Variants in GRIK3 observed in about 807,000 individuals in gnomAD.
The protein encoded by GRIK3 is glutamate ionotropic receptor kainate type subunit 3, also known as glutamate receptor ionotropic, kainate 3.
A neutral mutation model predicts 102.5 loss-of-function variants in GRIK3; 29 were observed. The ratio of observed to expected loss-of-function variants is 0.28; its 90% confidence interval spans 0.21 to 0.39. The LOEUF (loss-of-function observed/expected upper bound fraction) is 0.39. Ranked by LOEUF, GRIK3 falls within the 10% of genes least tolerant of loss-of-function variation. GRIK3 has a pLI of 1.00. For synonymous variants in GRIK3, 511 were observed against 504.9 expected (o/e 1.01, Z -0.16); for missense variants, 908 against 1,252.4 (o/e 0.73, Z 4.15).
intron 1 of GRIK3, among the ~76,000 whole-genome samples, chr1:36,923,554 C>A (rs1641496395): frequency 6.6e-6 from 1 of 152,204 alleles, no homozygotes; most frequent in South Asian, 2.1e-4. Flanking sequence ...GAATGAGGAT[C>A]ATGGAATGCT....
At chr1:36,857,711 A>G (rs950627577) in intron 7 of GRIK3, among the ~76,000 whole-genome samples, 1 of 152,224 alleles carries the variant, frequency 6.6e-6, no homozygotes, top group Admixed American at 6.5e-5. Flanking sequence ...GAGGAGCTGT[A>G]CTTGGCCTCA....
chr1:36,997,269 A>G (rs1642430502), intron 1 of GRIK3, among the ~76,000 whole-genome samples: 1 of 152,188 alleles, frequency 6.6e-6, no homozygotes, highest in Non-Finnish European at 1.5e-5. Context: ...GCTGGCAAGG[A>G]GCAAGGTTTA....
intron 13 of GRIK3, among the ~76,000 whole-genome samples, chr1:36,808,931 T>C (rs1402866643): frequency 6.6e-6 from 1 of 152,172 alleles, no homozygotes; most frequent in African/African-American, 2.4e-5. Flanking sequence ...ATCTCTGCTT[T>C]GCCAGATACA....
intron 1 of GRIK3, among the ~76,000 whole-genome samples, chr1:36,984,527 C>T (rs1372382001): frequency 6.6e-6 from 1 of 152,248 alleles, no homozygotes; most frequent in Non-Finnish European, 1.5e-5. Flanking sequence ...AACTCCAGAA[C>T]TTATGAGCTC....
intron 3 of GRIK3, among the ~76,000 whole-genome samples, chr1:36,874,137 C>T (rs972672476): frequency 1.2e-4 from 19 of 152,312 alleles, no homozygotes; most frequent in African/African-American, 4.6e-4. Context: ...TGGAAAGAGT[C>T]CCCCTGACCT....
rs114081680 is a variant in GRIK3, at chr1:36,802,089, T to C, written c.2566-44A>G. 2.2e-3 allele frequency: 3,035 copies of C among 1,404,422 alleles called. 60 individuals are homozygous for C. In the African/African-American group the frequency reaches 0.037, roughly 17 times the overall value. The allele number at this position is 1,404,422 out of a possible 1,614,324, so 87.0% of individuals were successfully genotyped here. Reference sequence around the variant, plus strand: ...GAGGGGTCGGAAAAGGGGCACAGAGTGATGCCCGGTCTTGCAACTCCAGCC... The same window carrying C: ...GAGGGGTCGGAAAAGGGGCACAGAGCGATGCCCGGTCTTGCAACTCCAGCC... On this transcript the variant is annotated intron_variant, in intron 15 of 15. Transcript: ENST00000373091.
At chr1:36,869,902 A>G in intron 4 of GRIK3, 101 bp from the exon 5 acceptor site, 1 of 817,120 alleles carries the variant, frequency 1.2e-6, no homozygotes, top group Non-Finnish European at 2.1e-6. Context: ...TGGGTTGGGG[A>G]AGGCTGGCTG....
chr1:36,971,884 G>A lies in GRIK3; in HGVS notation c.115+62110C>T, dbSNP rs1158540269. Among the ~76,000 whole-genome samples, 17 of 152,264 alleles carry A rather than the reference G, an allele frequency of 1.1e-4. No homozygotes were observed. In the East Asian group the frequency reaches 3.3e-3, roughly 29 times the overall value. On this transcript the variant is annotated intron_variant, in intron 1 of 15. Coordinates refer to ENST00000373091, the MANE Select transcript of GRIK3 (RefSeq NM_000831.4). Reference sequence around the variant, plus strand: ...AAACGGGCCCACCAATAGTCACAGAGGCCTGGAGACACCCTTTTGGAGGGA... The same window carrying A: ...AAACGGGCCCACCAATAGTCACAGAAGCCTGGAGACACCCTTTTGGAGGGA...
At chr1:36,844,212 G>A (rs976097037) in intron 9 of GRIK3, among the ~76,000 whole-genome samples, 7 of 152,210 alleles carry the variant, frequency 4.6e-5, no homozygotes, top group Admixed American at 2.6e-4. Flanking sequence ...AATCCCCAAG[G>A]GATTCCCGAC....
intron 1 of GRIK3, among the ~76,000 whole-genome samples, chr1:37,029,368 G>A (rs1030083894): frequency 6.6e-6 from 1 of 152,214 alleles, no homozygotes; most frequent in African/African-American, 2.4e-5. Flanking sequence ...AAGTCCCCCA[G>A]TTCCTCTCCG....
At chr1:36,917,966 A>G (rs566443902) in intron 1 of GRIK3, among the ~76,000 whole-genome samples, 1 of 152,246 alleles carries the variant, frequency 6.6e-6, no homozygotes, top group Admixed American at 6.5e-5. Flanking sequence ...AGGGGAGGCC[A>G]GCAGCTGCAT....
intron 2 of GRIK3, among the ~76,000 whole-genome samples, chr1:36,888,787 C>G (rs1641070800): frequency 6.6e-6 from 1 of 152,118 alleles, no homozygotes; most frequent in Non-Finnish European, 1.5e-5. Flanking sequence ...AAACTCAACT[C>G]AAACCTCTCC....
chr1:36,923,513 G>T (rs1641495884), intron 1 of GRIK3, among the ~76,000 whole-genome samples: 1 of 152,188 alleles, frequency 6.6e-6, no homozygotes, highest in East Asian at 1.9e-4. Context: ...CACAAATGGG[G>T]TGGGTGGGTG....
chr1:36,854,768 C>T lies in GRIK3; in HGVS notation c.1105-1046G>A, dbSNP rs1428572942. Among the ~76,000 whole-genome samples the T allele has an allele frequency of 2.0e-5, 3 of 152,332 alleles. No homozygotes were observed. In the East Asian group the frequency reaches 5.8e-4, roughly 29 times the overall value. On this transcript the variant is annotated intron_variant, in intron 7 of 15. Transcript: ENST00000373091. ...ACATCTTTCCTGCGGGCTGAGAGCA[C>T]TGAGTCTACGTGGTCCTTTCACACT...
chr1:36,972,342 A>C (rs1251568005), intron 1 of GRIK3, among the ~76,000 whole-genome samples: 1 of 152,248 alleles, frequency 6.6e-6, no homozygotes, highest in Non-Finnish European at 1.5e-5. Context: ...GGAATGGACC[A>C]GGCCTTCCGT....
intron 1 of GRIK3, among the ~76,000 whole-genome samples, chr1:36,985,393 C>A (rs1465766017): frequency 6.6e-6 from 1 of 152,210 alleles, no homozygotes; most frequent in Non-Finnish European, 1.5e-5. Flanking sequence ...CCCAAGCCCT[C>A]TTGTGTCAAA....
At chr1:36,843,296 T>A (rs1640482408) in intron 9 of GRIK3, among the ~76,000 whole-genome samples, 1 of 152,156 alleles carries the variant, frequency 6.6e-6, no homozygotes, top group South Asian at 2.1e-4. Context: ...CCCCATCCCG[T>A]GTCCATGATG....
chr1:36,805,912 G>A (rs1208752119), intron 14 of GRIK3, among the ~76,000 whole-genome samples, 192 bp downstream of exon 14: 1 of 137,000 alleles, frequency 7.3e-6, no homozygotes, highest in East Asian at 2.0e-4. Flanking sequence ...CTCCAGCCTG[G>A]GCAACAAAAG....
chr1:37,002,658 T>TTTTC (rs1409298353), intron 1 of GRIK3, among the ~76,000 whole-genome samples: 64 of 149,180 alleles, frequency 4.3e-4, no homozygotes, highest in African/African-American at 1.1e-3. Context: ...GTTGCATTTA[T>TTTTC]TTTCTTTCTT....
Sources: gnomAD v4.1 joint callset for allele counts (sites outside exome capture counted in the v4.1 genomes callset) on GRCh38, gnomAD v4.1.1 for gene constraint, MANE v1.5 for transcripts, NCBI Gene and HGNC (gene_info 2026-07-23, HGNC 2026-07-21) for gene names.